MYL1: variants seen among roughly 807,000 people sequenced by gnomAD.
The protein encoded by MYL1 is myosin light chain 1/3, skeletal muscle isoform.
MYL1 carries 16 observed loss-of-function variants against 21.8 expected under a neutral mutation model. The observed-to-expected ratio is 0.74, with a 90% CI of 0.50 to 1.12. The LOEUF is 1.12. Ranked by LOEUF, MYL1 falls within the 50% of genes most tolerant of loss-of-function variation. MYL1 has a pLI of 0.00. For synonymous variants in MYL1, 99 were observed against 85.2 expected (o/e 1.16, Z -0.89); for missense variants, 246 against 241.0 (o/e 1.02, Z -0.14).
At chr2:210,295,211 C>T (rs1011619245) in intron 3 of MYL1, among the ~76,000 whole-genome samples, 6 of 152,026 alleles carry the variant, frequency 3.9e-5, no homozygotes, top group Non-Finnish European at 7.4e-5. Context: ...TTCTATTACA[C>T]GCAATTTATA....
chr2:210,291,669 C>CTTGT (rs1690077699), intron 5 of MYL1, among the ~76,000 whole-genome samples: 1 of 152,096 alleles, frequency 6.6e-6, no homozygotes, highest in Non-Finnish European at 1.5e-5. Context: ...TATAACTGTA[C>CTTGT]ACAAGAGTGT....
chr2:210,302,497 G>T lies in MYL1; in HGVS notation c.151C>A (p.Gln51Lys), dbSNP rs761864154. The T allele has an allele frequency of 6.2e-7, 1 of 1,609,432 alleles. No homozygotes were observed. The change falls in exon 2 of 7, where the codon CAG (glutamine) becomes AAG (lysine). Residue 51 changes from glutamine (Q) to lysine (K), a missense_variant. Physicochemically the swap from Gln to Lys is moderately conservative, Grantham distance 53. Transcript: ENST00000352451. ...TAGCTTTTAAACTTACCATCCTGCT[G>T]TTCCTTAGAGAACTCGATCTGTTAG... ...SAIKIEFSKEQQDEFKEAFLL... is the reference protein window; with the variant it reads ...SAIKIEFSKEKQDEFKEAFLL...
At chr2:210,305,642 C>G (rs1012379459) in intron 1 of MYL1, among the ~76,000 whole-genome samples, 1 of 151,836 alleles carries the variant, frequency 6.6e-6, no homozygotes, top group Non-Finnish European at 1.5e-5. Context: ...ATCAAAATTG[C>G]CCTACTAAAC....
chr2:210,304,047 A>G (rs1477612110), intron 1 of MYL1, among the ~76,000 whole-genome samples: 2 of 152,200 alleles, frequency 1.3e-5, no homozygotes, highest in African/African-American at 4.8e-5. Flanking sequence ...CAACTGCTAT[A>G]GCAGGAGCAT....
chr2:210,303,688 G>T, intron 1 of MYL1: 1 of 1,224,506 alleles, frequency 8.2e-7, no homozygotes, highest in Non-Finnish European at 1.1e-6. Context: ...TCAGGTTTCA[G>T]AGATAAGTTG....
intron 3 of MYL1, among the ~76,000 whole-genome samples, chr2:210,297,312 A>G (rs1340805212): frequency 6.6e-6 from 1 of 152,042 alleles, no homozygotes; most frequent in Non-Finnish European, 1.5e-5. Context: ...CTTTCTCTGC[A>G]TCTTCCACAG....
At chr2:210,290,988 A>G (rs926322825) in intron 6 of MYL1, 44 bp downstream of exon 6, 6 of 1,355,788 alleles carry the variant, frequency 4.4e-6, no homozygotes, top group African/African-American at 2.9e-5. Flanking sequence ...AAAAAACACA[A>G]TATCAAGAAA....
intron 2 of MYL1, among the ~76,000 whole-genome samples, chr2:210,300,994 C>T (rs1690256847): frequency 6.6e-6 from 1 of 152,124 alleles, no homozygotes; most frequent in Admixed American, 6.6e-5. Flanking sequence ...CCCATGTTTG[C>T]TGAACTTCTG....
intron 1 of MYL1, among the ~76,000 whole-genome samples, chr2:210,308,046 G>C (rs1446620450): frequency 6.6e-6 from 1 of 151,934 alleles, no homozygotes; most frequent in Admixed American, 6.6e-5. Flanking sequence ...AAGGAACATG[G>C]ACTACATTCT....
intron 5 of MYL1, among the ~76,000 whole-genome samples, chr2:210,291,747 T>C (rs543510299): frequency 4.6e-5 from 7 of 152,032 alleles, no homozygotes; most frequent in African/African-American, 1.4e-4. Context: ...GTTTTCACAT[T>C]GATACATTGA....
chr2:210,295,399 C>A (rs769241141), intron 3 of MYL1, among the ~76,000 whole-genome samples: 1 of 151,942 alleles, frequency 6.6e-6, no homozygotes, highest in African/African-American at 2.4e-5. Context: ...TTTGGGAAGC[C>A]GAGGCAGGTG....
Position 210,303,101 on chromosome 2 carries a change from C to T in MYL1, c.133-586G>A, listed in dbSNP as rs1690289192. On this transcript the variant is annotated intron_variant, in intron 1 of 6. Coordinates refer to ENST00000352451, the MANE Select transcript of MYL1 (RefSeq NM_079420.3). Reference sequence around the variant, plus strand: ...CACGGTGTTAAAGTACAGATATACACATTAAAAAGACTACCTTAAGTCTGT... The same window carrying T: ...CACGGTGTTAAAGTACAGATATACATATTAAAAAGACTACCTTAAGTCTGT... 1.3e-5 allele frequency: 5 copies of T among 391,706 alleles called. No homozygotes were observed. The South Asian group carries it at 2.4e-4, about 19-fold the overall frequency. The allele number at this position is 391,706 out of a possible 1,614,324, so 24.3% of individuals were successfully genotyped here.
At chr2:210,299,585 A>G (rs1419176536) in intron 2 of MYL1, among the ~76,000 whole-genome samples, 1 of 152,138 alleles carries the variant, frequency 6.6e-6, no homozygotes, top group Non-Finnish European at 1.5e-5. Context: ...TGTATTGATG[A>G]CTTTCTCTAA....
chr2:210,292,235 G>C (rs188446824), intron 5 of MYL1, among the ~76,000 whole-genome samples: 100 of 152,168 alleles, frequency 6.6e-4, no homozygotes, highest in African/African-American at 2.2e-3. Flanking sequence ...ATCACGCCCA[G>C]CTAATTTTTG....
rs745981803 is a variant in MYL1, at chr2:210,309,480, A to C, written c.132+5431T>G. Among the ~76,000 whole-genome samples the C allele has an allele frequency of 2.0e-5, 3 of 152,072 alleles. No individual in the cohort carries two copies. The South Asian group carries it at 6.2e-4, about 31-fold the overall frequency. On this transcript the variant is annotated intron_variant, in intron 1 of 6. Coordinates refer to ENST00000352451, the MANE Select transcript of MYL1 (RefSeq NM_079420.3). ...TTAATTTGTGACCAGAATAGCCAGA[A>C]TTTATCATCCATATAATATACCTTT... is the stretch of plus-strand genomic sequence containing the variant.
At chr2:210,297,708 A>C (rs1690198752) in intron 3 of MYL1, among the ~76,000 whole-genome samples, 1 of 151,996 alleles carries the variant, frequency 6.6e-6, no homozygotes, top group Non-Finnish European at 1.5e-5. Flanking sequence ...GGATTTCTGG[A>C]TTGAGTAAAT....
intron 2 of MYL1, among the ~76,000 whole-genome samples, chr2:210,300,723 A>G (rs1690252683): frequency 6.6e-6 from 1 of 152,142 alleles, no homozygotes; most frequent in African/African-American, 2.4e-5. Context: ...TTAATTAATT[A>G]AAGTTTAAAT....
intron 1 of MYL1, among the ~76,000 whole-genome samples, chr2:210,309,781 A>G (rs1690391835): frequency 6.6e-6 from 1 of 152,054 alleles, no homozygotes; most frequent in South Asian, 2.1e-4. Flanking sequence ...GTTCATTTGC[A>G]GCACTAAAAT....
chr2:210,313,968 T>C (rs1045167022), intron 1 of MYL1, among the ~76,000 whole-genome samples: 6 of 152,080 alleles, frequency 3.9e-5, no homozygotes, highest in Non-Finnish European at 8.8e-5. Context: ...AAGGCAGGTT[T>C]CCTTAGATAA....
Sources: allele counts gnomAD v4.1 joint callset (sites outside exome capture counted in the v4.1 genomes callset), GRCh38; gene constraint gnomAD v4.1.1; transcripts MANE v1.5; gene names NCBI Gene and HGNC (gene_info 2026-07-23, HGNC 2026-07-21).